CFAP47: variants seen among roughly 807,000 people sequenced by gnomAD.
CFAP47 encodes the protein cilia- and flagella-associated protein 47.
CFAP47 carries 29 observed loss-of-function variants against 148.1 expected under a neutral mutation model. That is an observed-to-expected ratio of 0.20 (90% CI 0.15 to 0.27). The LOEUF is 0.27. Ranked by LOEUF, CFAP47 falls within the 10% of genes least tolerant of loss-of-function variation. The pLI is 1.00. For missense variants in CFAP47, 1,872 were observed against 1,697.5 expected, an observed-to-expected ratio of 1.10 and a Z score of -1.81; for synonymous variants, 664 against 577.3, an observed-to-expected ratio of 1.15 and a Z score of -2.15.
At chrX:36,120,803 A>G (rs1260526031) in intron 33 of CFAP47, among the ~76,000 whole-genome samples, 3 of 110,284 alleles carry the variant, frequency 2.7e-5, no homozygotes, top group Non-Finnish European at 5.7e-5. Flanking sequence ...TTTGAGAATG[A>G]TCCATGTGCT....
intron 49 of CFAP47, among the ~76,000 whole-genome samples, chrX:36,278,846 AG>A (rs1169696027): frequency 3.6e-5 from 4 of 112,003 alleles, no homozygotes; most frequent in Admixed American, 1.9e-4. Flanking sequence ...CATCTTATTT[AG>A]GACTACCAAC....
At position 35,975,372 on chromosome X, in the gene CFAP47, TA is replaced by T. The variant is rs1172414896; in HGVS notation, c.2471+10del. ...ATTGGAAAATTTTGGAAGTAGGGAT[TA>T]TTTTTGAATTTCTGCTTGTTAGAAT... is the stretch of plus-strand genomic sequence containing the variant. On this transcript the variant is annotated intron_variant, in intron 14 of 63. Coordinates refer to ENST00000378653, the MANE Select transcript of CFAP47 (RefSeq NM_001304548.2). The T allele has an allele frequency of 9.4e-7, 1 of 1,060,284 alleles. No individual in the cohort carries two copies. The highest frequency in any genetic ancestry group is 1.3e-6 in the Non-Finnish European group (1 of 767,919). The allele number at this position is 1,060,284 out of a possible 1,213,427, so 87.4% of individuals were successfully genotyped here.
At position 35,951,332 on chromosome X, in the gene CFAP47, A is replaced by G. The variant is rs1260376065; in HGVS notation, c.858A>G (p.Ile286Met). 1.5e-5 allele frequency: 18 copies of G among 1,195,972 alleles called. No homozygotes were observed. The highest frequency in any genetic ancestry group is 2.0e-5 in the Non-Finnish European group (18 of 882,901). ...AGCCCATAAATTGGGTGGCCATCAT[A>G]CAAGATGATGCCGTGGGAGAAGAAT... ...SPEPINWVAIIQDDAVGEELG... is the reference protein window; with the variant it reads ...SPEPINWVAIMQDDAVGEELG... The change falls in exon 5 of 64, where the codon ATA (isoleucine) becomes ATG (methionine). Residue 286 changes from isoleucine to methionine, a missense_variant. Physicochemically the swap from Ile to Met is conservative, Grantham distance 10. Transcript: ENST00000378653.
intron 61 of CFAP47, chrX:36,365,925 C>T (rs1556020191): frequency 1.8e-5 from 2 of 111,520 alleles, no homozygotes; most frequent in Non-Finnish European, 3.8e-5. Context: ...GTCTTTGCTA[C>T]TGTGAATAGT....
intron 39 of CFAP47, among the ~76,000 whole-genome samples, chrX:36,166,767 T>C (rs752535978): frequency 1.8e-5 from 2 of 111,643 alleles, no homozygotes; most frequent in East Asian, 5.7e-4. Flanking sequence ...GCACTTCTAA[T>C]TTTTTTACTG....
chrX:36,124,902 A>G (rs1479691690), intron 33 of CFAP47, among the ~76,000 whole-genome samples: 1 of 111,372 alleles, frequency 9.0e-6, no homozygotes, highest in African/African-American at 3.3e-5. Flanking sequence ...AATATTCACA[A>G]TTGAATTGAA....
intron 35 of CFAP47, among the ~76,000 whole-genome samples, chrX:36,141,349 A>G (rs1269326399): frequency 9.0e-6 from 1 of 111,602 alleles, no homozygotes; most frequent in Non-Finnish European, 1.9e-5. Context: ...TGAAGAACCT[A>G]GTCTGATGTC....
Position 36,235,914 on chromosome X carries a change from G to A in CFAP47, c.7015-20G>A. ...TCAATATCATCTCTCTGATATTTCT[G>A]TACCTTTTTCATGCTTTAGAAAAAT... On this transcript the variant is annotated intron_variant, in intron 46 of 63. Coordinates refer to ENST00000378653, the MANE Select transcript of CFAP47 (RefSeq NM_001304548.2). 1 of 462,890 alleles carries A rather than the reference G, an allele frequency of 2.2e-6. No homozygotes were observed. Among genetic ancestry groups the A allele is most frequent in the African/African-American group, 2.4e-5 (1 of 41,400 alleles). The allele number at this position is 462,890 out of a possible 1,213,427, so 38.1% of individuals were successfully genotyped here. A position where few individuals can be genotyped will look rare whatever the true frequency, so the allele number is the denominator to read the frequency against.
chrX:35,931,678 G>A (rs774438523), intron 2 of CFAP47, among the ~76,000 whole-genome samples: 5 of 111,071 alleles, frequency 4.5e-5, no homozygotes, highest in Admixed American at 2.9e-4. Context: ...ATACTGTTTT[G>A]TGTGCATCTC....
At chrX:36,044,861 A>AT (rs1212030097) in intron 25 of CFAP47, among the ~76,000 whole-genome samples, 1 of 111,935 alleles carries the variant, frequency 8.9e-6, no homozygotes, top group Non-Finnish European at 1.9e-5. Context: ...CAATTCTATT[A>AT]TTTTTTATTT....
At chrX:36,348,385 A>T (rs1941715855) in intron 58 of CFAP47, 97 bp downstream of exon 58, 1 of 396,119 alleles carries the variant, frequency 2.5e-6, no homozygotes, top group African/African-American at 2.7e-5. Context: ...TATAATGTCA[A>T]GCTCATGATT....
In CFAP47 at chrX:36,138,485, C is replaced by T. The variant is rs759443623; in HGVS notation, c.5535+21C>T. ...TACAGGTGGGTGCCTTTATATTAAACATTCTACAAACATTTTATAAATTTC... is the reference window on the plus strand; with the variant it reads ...TACAGGTGGGTGCCTTTATATTAAATATTCTACAAACATTTTATAAATTTC... On this transcript the variant is annotated intron_variant, in intron 35 of 63. Transcript: ENST00000378653. The T allele has an allele frequency of 3.6e-6, 4 of 1,124,286 alleles. No individual in the cohort carries two copies. The African/African-American group carries it at 7.7e-5, about 22-fold the overall frequency. 92.7% of individuals were successfully genotyped at this position (1,124,286 alleles called of 1,213,427 possible).
chrX:36,298,588 G>T (rs1001317621), intron 51 of CFAP47, among the ~76,000 whole-genome samples: 40 of 111,388 alleles, frequency 3.6e-4, no homozygotes, highest in African/African-American at 1.3e-3. Flanking sequence ...CTGTCTTTTA[G>T]CAGACTCTGC....
chrX:36,074,946 G>A (rs905995685), intron 29 of CFAP47, among the ~76,000 whole-genome samples: 3 of 110,709 alleles, frequency 2.7e-5, no homozygotes, highest in African/African-American at 9.9e-5. Flanking sequence ...CATCCATGTT[G>A]TCAAAAACTA....
chrX:36,382,822 C>A (rs1198060410), intron 63 of CFAP47, among the ~76,000 whole-genome samples: 1 of 110,394 alleles, frequency 9.1e-6, no homozygotes, highest in Non-Finnish European at 1.9e-5. Flanking sequence ...TGTGAAAAAT[C>A]AATGTGGTAA....
At chrX:36,051,841 T>C (rs1242687063) in intron 26 of CFAP47, among the ~76,000 whole-genome samples, 1 of 110,977 alleles carries the variant, frequency 9.0e-6, no homozygotes, top group African/African-American at 3.3e-5. Context: ...ATAATCCCCA[T>C]ATGTCATGGG....
chrX:36,177,956 A>G (rs953134597), intron 39 of CFAP47, among the ~76,000 whole-genome samples: 7 of 112,030 alleles, frequency 6.2e-5, no homozygotes, highest in Non-Finnish European at 1.3e-4. Flanking sequence ...GGTGGATTGG[A>G]TAAAGAAAAC....
At chrX:36,216,631 A>G (rs781865941) in intron 45 of CFAP47, among the ~76,000 whole-genome samples, 2 of 112,092 alleles carry the variant, frequency 1.8e-5, no homozygotes, top group African/African-American at 6.5e-5. Context: ...CTCCCCAAGA[A>G]TTCAAGGATC....
chrX:36,150,782 G>T (rs890845774), intron 37 of CFAP47, among the ~76,000 whole-genome samples: 4 of 110,651 alleles, frequency 3.6e-5, no homozygotes, highest in Non-Finnish European at 7.6e-5. Flanking sequence ...TAAACCTGAG[G>T]AAAAAATCTA....
Sources: allele counts gnomAD v4.1 joint callset (sites outside exome capture counted in the v4.1 genomes callset), GRCh38; gene constraint gnomAD v4.1.1; transcripts MANE v1.5; gene names NCBI Gene and HGNC (gene_info 2026-07-23, HGNC 2026-07-21).